PLGRKT: variants seen among roughly 807,000 people sequenced by gnomAD.
PLGRKT encodes plasminogen receptor (KT).
In PLGRKT, 22 loss-of-function variants were observed where a neutral mutation model predicts 18.5. The observed-to-expected ratio is 1.19, with a 90% CI of 0.85 to 1.70. The LOEUF (loss-of-function observed/expected upper bound fraction) is 1.70, where lower values mean the gene tolerates loss of function less well. Among genes scored for constraint, PLGRKT ranks in the 40% most tolerant of loss-of-function variants. The pLI, the probability that PLGRKT is intolerant of heterozygous loss-of-function variation, is 0.00. For missense variants in PLGRKT, 235 were observed against 174.4 expected (o/e 1.35, Z -1.96); for synonymous variants, 72 against 52.8 (o/e 1.36, Z -1.58).
At chr9:5,412,976 T>C (rs1386089311) in intron 3 of PLGRKT, among the ~76,000 whole-genome samples, 1 of 152,154 alleles carries the variant, frequency 6.6e-6, no homozygotes, top group Non-Finnish European at 1.5e-5. Context: ...GGCCCTCAAA[T>C]GTGAGAAAAT....
chr9:5,406,207 C>G (rs1184934594), intron 3 of PLGRKT, among the ~76,000 whole-genome samples: 1 of 152,162 alleles, frequency 6.6e-6, no homozygotes, highest in East Asian at 1.9e-4. Context: ...ATGGCAATTT[C>G]TCAAAGATTT....
intron 3 of PLGRKT, among the ~76,000 whole-genome samples, chr9:5,393,654 T>C (rs1303022317): frequency 2.6e-5 from 4 of 151,922 alleles, no homozygotes; most frequent in African/African-American, 9.7e-5. Flanking sequence ...TCATTTTCAA[T>C]CTTTTGGAAT....
intron 3 of PLGRKT, among the ~76,000 whole-genome samples, chr9:5,402,840 G>C (rs1161366186): frequency 6.6e-6 from 1 of 151,900 alleles, no homozygotes; most frequent in Non-Finnish European, 1.5e-5. Context: ...TGAAATTTAG[G>C]AAGAAATGAT....
intron 3 of PLGRKT, among the ~76,000 whole-genome samples, chr9:5,402,237 C>T (rs189775941): frequency 6.6e-5 from 10 of 151,950 alleles, no homozygotes; most frequent in Admixed American, 6.5e-4. Flanking sequence ...AGTATTCCCT[C>T]AAAAGAGTTT....
chr9:5,376,392 T>C (rs1395528965), intron 3 of PLGRKT, among the ~76,000 whole-genome samples: 2 of 152,206 alleles, frequency 1.3e-5, no homozygotes, highest in South Asian at 2.1e-4. Context: ...TTTGTGTCCA[T>C]GGGTAGGTCC....
chr9:5,412,840 T>A (rs756090781), intron 3 of PLGRKT, among the ~76,000 whole-genome samples: 13 of 152,056 alleles, frequency 8.5e-5, no homozygotes, highest in Admixed American at 3.9e-4. Context: ...CAATCTGAGA[T>A]AAAATATTAG....
intron 3 of PLGRKT, among the ~76,000 whole-genome samples, chr9:5,365,730 G>A (rs775192645): frequency 6.6e-6 from 1 of 152,176 alleles, no homozygotes; most frequent in Non-Finnish European, 1.5e-5. Context: ...ATGTGCCATG[G>A]TAATGGTAAG....
At chr9:5,424,691 T>TATATACACACAC (rs201541927) in intron 3 of PLGRKT, among the ~76,000 whole-genome samples, 1 of 70,484 alleles carries the variant, frequency 1.4e-5, no homozygotes, top group African/African-American at 6.1e-5. Flanking sequence ...TATATATATA[T>TATATACACACAC]ACACACAGGG....
In PLGRKT at chr9:5,361,070, A is replaced by C. The variant is rs1238449832; in HGVS notation, c.322+8T>G. On this transcript the variant is annotated splice_region_variant and intron_variant, in intron 5 of 5. Transcript: ENST00000223864. ...GCAAATAGAAACTCTAGTTTACCAA[A>C]GACTTACCTTTCATTCTTTCTAAAA... is the stretch of plus-strand genomic sequence containing the variant. The C allele has an allele frequency of 7.3e-7, 1 of 1,362,272 alleles. No individual in the cohort carries two copies. The allele number at this position is 1,362,272 out of a possible 1,614,324, so 84.4% of individuals were successfully genotyped here.
intron 3 of PLGRKT, among the ~76,000 whole-genome samples, chr9:5,410,571 A>T: frequency 6.6e-6 from 1 of 152,166 alleles, no homozygotes; most frequent in East Asian, 1.9e-4. Context: ...TCATGTTGAA[A>T]TCATAATTAA....
chr9:5,434,178 GGCC>G (rs1818905853), intron 2 of PLGRKT, among the ~76,000 whole-genome samples: 1 of 146,620 alleles, frequency 6.8e-6, no homozygotes, highest in African/African-American at 2.6e-5. Context: ...GCCTCTGCCC[GGCC>G]GCCACCCCGT....
chr9:5,429,935 C>T lies in PLGRKT; in HGVS notation c.81+1962G>A, dbSNP rs1161126660. Among the ~76,000 whole-genome samples, 6 of 152,264 alleles carry T rather than the reference C, an allele frequency of 3.9e-5. No homozygotes were observed. In the South Asian group the frequency reaches 8.3e-4, roughly 21 times the overall value. ...TGGGTCAACCAGGACACAACAACTA[C>T]GAGGAGAGTAGCTCCCACCCTCTCC... is the stretch of plus-strand genomic sequence containing the variant. On this transcript the variant is annotated intron_variant, in intron 3 of 5. Coordinates refer to ENST00000223864, the MANE Select transcript of PLGRKT (RefSeq NM_018465.4).
intron 3 of PLGRKT, among the ~76,000 whole-genome samples, chr9:5,412,199 G>A (rs1818378876): frequency 6.6e-6 from 1 of 152,104 alleles, no homozygotes; most frequent in Admixed American, 6.5e-5. Flanking sequence ...ACTCACTGGG[G>A]GTAAAGATAG....
chr9:5,373,705 G>A (rs1248099959), intron 3 of PLGRKT, among the ~76,000 whole-genome samples: 1 of 152,112 alleles, frequency 6.6e-6, no homozygotes, highest in African/African-American at 2.4e-5. Flanking sequence ...GGCTGAGGTG[G>A]GAAGACCACT....
intron 3 of PLGRKT, among the ~76,000 whole-genome samples, chr9:5,388,050 G>C (rs1449108302): frequency 1.3e-5 from 2 of 151,860 alleles, no homozygotes; most frequent in East Asian, 3.8e-4. Flanking sequence ...CCAAATTCTG[G>C]GTTAGAAATA....
chr9:5,424,697 CAG>C (rs1491388268), intron 3 of PLGRKT, among the ~76,000 whole-genome samples: 1 of 66,136 alleles, frequency 1.5e-5, no homozygotes, highest in African/African-American at 6.5e-5. Flanking sequence ...TATATACACA[CAG>C]GGGGGGGAGA....
At chr9:5,376,683 T>A (rs1311989764) in intron 3 of PLGRKT, among the ~76,000 whole-genome samples, 1 of 152,204 alleles carries the variant, frequency 6.6e-6, no homozygotes, top group Admixed American at 6.6e-5. Context: ...CATGTCCTGA[T>A]GTGGAAAATT....
At chr9:5,383,412 A>G (rs1177623679) in intron 3 of PLGRKT, among the ~76,000 whole-genome samples, 1 of 152,224 alleles carries the variant, frequency 6.6e-6, no homozygotes, top group East Asian at 1.9e-4. Flanking sequence ...CCTTTTTGGC[A>G]CCAGGGACCA....
chr9:5,366,775 A>G (rs1817398224), intron 3 of PLGRKT, among the ~76,000 whole-genome samples: 1 of 152,262 alleles, frequency 6.6e-6, no homozygotes, highest in Admixed American at 6.5e-5. Context: ...GAAAGAAATA[A>G]AAGGCATCCA....
Sources: gnomAD v4.1 joint callset for allele counts (sites outside exome capture counted in the v4.1 genomes callset) on GRCh38, gnomAD v4.1.1 for gene constraint, MANE v1.5 for transcripts, NCBI Gene and HGNC (gene_info 2026-07-23, HGNC 2026-07-21) for gene names.